The following ADK variants were observed in gnomAD, a reference collection of about 807,000 sequenced individuals.
ADK encodes the protein N6,N6-dimethyladenosine kinase.
Under a neutral mutation model 44.7 loss-of-function variants are expected in ADK, and 24 were observed. The ratio of observed to expected loss-of-function variants is 0.54; its 90% CI spans 0.39 to 0.76. ADK has a LOEUF of 0.76. Among genes scored for constraint, ADK ranks in the 30% least tolerant of loss-of-function variants. The probability of loss-of-function intolerance (pLI) is 0.00; values close to 1 mark genes in which losing one functional copy is unlikely to be tolerated. For missense variants in ADK, 321 were observed against 425.1 expected, an observed-to-expected ratio of 0.76 and a Z score of 2.15; for synonymous variants, 128 against 142.6, an observed-to-expected ratio of 0.90 and a Z score of 0.73.
intron 6 of ADK, among the ~76,000 whole-genome samples, chr10:74,501,564 A>G (rs1223993143): frequency 6.6e-6 from 1 of 152,132 alleles, no homozygotes; most frequent in Non-Finnish European, 1.5e-5. Context: ...TATGTTATTT[A>G]TGGCTTCTGA....
intron 6 of ADK, among the ~76,000 whole-genome samples, chr10:74,510,629 AT>A (rs1176434116): frequency 1.1e-4 from 17 of 151,956 alleles, no homozygotes; most frequent in African/African-American, 3.9e-4. Flanking sequence ...TTCATAAAAT[AT>A]TTTTCCAGAT....
chr10:74,538,663 A>G (rs1849533387), intron 7 of ADK, among the ~76,000 whole-genome samples: 1 of 152,198 alleles, frequency 6.6e-6, no homozygotes, highest in African/African-American at 2.4e-5. Context: ...TGATGCTTGT[A>G]TCTCTTTATA....
intron 6 of ADK, among the ~76,000 whole-genome samples, chr10:74,487,512 A>G (rs1328698629): frequency 6.6e-6 from 1 of 151,040 alleles, no homozygotes; most frequent in East Asian, 1.9e-4. Context: ...AGAATTTGCC[A>G]GTTTATTTTT....
At chr10:74,625,558 C>A (rs1389169129) in intron 9 of ADK, among the ~76,000 whole-genome samples, 1 of 152,044 alleles carries the variant, frequency 6.6e-6, no homozygotes, top group African/African-American at 2.4e-5. Context: ...GTTTATAAAG[C>A]CCTGTTTCAG....
At chr10:74,549,667 GCT>G (rs1478099310) in intron 7 of ADK, among the ~76,000 whole-genome samples, 2 of 152,132 alleles carry the variant, frequency 1.3e-5, no homozygotes, top group Non-Finnish European at 2.9e-5. Flanking sequence ...AAACTCCTGG[GCT>G]CAAGTGATCC....
intron 10 of ADK, among the ~76,000 whole-genome samples, chr10:74,688,913 G>A (rs1855885007): frequency 6.8e-6 from 1 of 146,536 alleles, no homozygotes; most frequent in Non-Finnish European, 1.5e-5. Flanking sequence ...GACTAATCCA[G>A]AAACAGAGAG....
rs1843327320 is a variant in ADK at position 74,200,270 on chromosome 10, G to GGTCAGGA, written c.66-491_66-485dup. ...AGGCTAAGGCAGGTGGATGTGCTGA[G>GGTCAGGA]GTCAGGAGTTCGAGACCAGCCTGGC... On this transcript the variant is annotated intron_variant, in intron 1 of 10. Transcript: ENST00000539909. Among the ~76,000 whole-genome samples the GGTCAGGA allele has an allele frequency of 2.0e-5, 3 of 149,866 alleles. No homozygotes were observed. The South Asian group carries it at 6.3e-4, about 32-fold the overall frequency.
intron 1 of ADK, among the ~76,000 whole-genome samples, chr10:74,177,669 T>C (rs1842391962): frequency 6.6e-6 from 1 of 152,108 alleles, no homozygotes; most frequent in Non-Finnish European, 1.5e-5. Flanking sequence ...GTGTTCTGAC[T>C]GGCCTTTTTA....
At chr10:74,305,219 A>G (rs1350699972) in intron 3 of ADK, among the ~76,000 whole-genome samples, 1 of 152,212 alleles carries the variant, frequency 6.6e-6, no homozygotes, top group Admixed American at 6.5e-5. Context: ...GGTTGAATCC[A>G]TGGATGTGGA....
intron 7 of ADK, among the ~76,000 whole-genome samples, chr10:74,549,704 T>C (rs1220011074): frequency 1.3e-5 from 2 of 152,210 alleles, no homozygotes; most frequent in Non-Finnish European, 2.9e-5. Flanking sequence ...CCCAAGATCC[T>C]GGGATTACAG....
At chr10:74,329,723 A>T (rs940452440) in intron 4 of ADK, among the ~76,000 whole-genome samples, 1 of 152,224 alleles carries the variant, frequency 6.6e-6, no homozygotes, top group Non-Finnish European at 1.5e-5. Context: ...CATTTTAGAA[A>T]TTAGAGCTCT....
chr10:74,553,313 G>A (rs1850110753), intron 7 of ADK, among the ~76,000 whole-genome samples: 1 of 140,918 alleles, frequency 7.1e-6, no homozygotes, highest in Non-Finnish European at 1.5e-5. Flanking sequence ...CGATTCTCCT[G>A]CCTCAGCCTC....
intron 1 of ADK, among the ~76,000 whole-genome samples, chr10:74,174,202 G>A (rs1842251131): frequency 6.6e-6 from 1 of 151,064 alleles, no homozygotes; most frequent in South Asian, 2.1e-4. Context: ...CAGCTACTCG[G>A]GAGGCTGAGG....
intron 7 of ADK, among the ~76,000 whole-genome samples, chr10:74,561,430 A>T (rs1589249531): frequency 6.6e-6 from 1 of 152,206 alleles, no homozygotes; most frequent in Non-Finnish European, 1.5e-5. Flanking sequence ...GTGAGGGAAG[A>T]TGATGAAGAA....
chr10:74,496,585 C>T (rs1847696332), intron 6 of ADK, among the ~76,000 whole-genome samples: 1 of 152,162 alleles, frequency 6.6e-6, no homozygotes, highest in Non-Finnish European at 1.5e-5. Flanking sequence ...CTCAGGTATT[C>T]CTTCACAGCA....
chr10:74,222,975 A>G (rs1318590368), intron 2 of ADK, among the ~76,000 whole-genome samples: 1 of 152,228 alleles, frequency 6.6e-6, no homozygotes, highest in Admixed American at 6.5e-5. Context: ...ACTAACCTGC[A>G]CAATGTGCAC....
chr10:74,521,281 A>G (rs1292652892), intron 6 of ADK, among the ~76,000 whole-genome samples: 2 of 152,122 alleles, frequency 1.3e-5, no homozygotes, highest in Non-Finnish European at 2.9e-5. Flanking sequence ...CCTTTTATTT[A>G]AAAGTTGACA....
chr10:74,627,701 C>T (rs567748542), intron 9 of ADK, among the ~76,000 whole-genome samples: 2 of 151,996 alleles, frequency 1.3e-5, no homozygotes, highest in Non-Finnish European at 2.9e-5. Flanking sequence ...GGCACGATCT[C>T]GGCTCACTGC....
At chr10:74,691,175 A>G (rs1225174071) in intron 10 of ADK, among the ~76,000 whole-genome samples, 1 of 152,254 alleles carries the variant, frequency 6.6e-6, no homozygotes, top group Non-Finnish European at 1.5e-5. Context: ...ACAGCATATA[A>G]ATCATCACTA....
Sources: allele counts gnomAD v4.1 joint callset (sites outside exome capture counted in the v4.1 genomes callset), GRCh38; gene constraint gnomAD v4.1.1; transcripts MANE v1.5; gene names NCBI Gene and HGNC (gene_info 2026-07-23, HGNC 2026-07-21).